Variants in FAM13A observed in about 807,000 individuals in gnomAD.
FAM13A encodes family with sequence similarity 13 member A.
In FAM13A, 76 loss-of-function variants were observed where a neutral mutation model predicts 129.6. That is an observed-to-expected ratio of 0.59 (90% CI 0.49 to 0.71). FAM13A has a LOEUF of 0.71. Ranked by LOEUF, FAM13A falls within the 30% of genes least tolerant of loss-of-function variation. The pLI, the probability that FAM13A is intolerant of heterozygous loss-of-function variation, is 0.00. For synonymous variants in FAM13A, 443 were observed against 449.9 expected (o/e 0.98, Z 0.20); for missense variants, 1,108 against 1,249.3 (o/e 0.89, Z 1.70).
intron 5 of FAM13A, among the ~76,000 whole-genome samples, chr4:88,929,367 G>A (rs969361314): frequency 6.6e-6 from 1 of 152,212 alleles, no homozygotes; most frequent in East Asian, 1.9e-4. Context: ...AATATGCCAT[G>A]GTGCAGTCTT....
intron 1 of FAM13A, among the ~76,000 whole-genome samples, chr4:89,046,540 T>C (rs755287890): frequency 9.2e-5 from 14 of 152,124 alleles, no homozygotes; most frequent in Non-Finnish European, 1.6e-4. Context: ...ATTCTACTAA[T>C]AGAAATTTTT....
chr4:89,016,428 T>G (rs1045671553), intron 3 of FAM13A, among the ~76,000 whole-genome samples: 6 of 152,030 alleles, frequency 3.9e-5, no homozygotes. Flanking sequence ...TTAAATAAAT[T>G]TAGTTTAGCT....
chr4:89,053,621 G>A (rs1771869863), intron 1 of FAM13A, among the ~76,000 whole-genome samples: 2 of 152,078 alleles, frequency 1.3e-5, no homozygotes, highest in Non-Finnish European at 2.9e-5. Context: ...AAGGCTACGA[G>A]GCCTGGGGCA....
chr4:88,908,139 C>T (rs1748461860), intron 5 of FAM13A, among the ~76,000 whole-genome samples: 1 of 152,182 alleles, frequency 6.6e-6, no homozygotes, highest in Admixed American at 6.5e-5. Flanking sequence ...TTCAGAGATC[C>T]CTAAATAAGT....
intron 6 of FAM13A, among the ~76,000 whole-genome samples, chr4:88,899,074 G>C (rs578193494): frequency 3.3e-5 from 5 of 151,288 alleles, no homozygotes; most frequent in Non-Finnish European, 5.9e-5. Flanking sequence ...GTGTGTGTCT[G>C]TGTGTATGTG....
intron 11 of FAM13A, among the ~76,000 whole-genome samples, chr4:88,779,462 A>G (rs1343080093): frequency 2.0e-5 from 3 of 152,134 alleles, no homozygotes; most frequent in Non-Finnish European, 4.4e-5. Flanking sequence ...TAGATTTTTA[A>G]ATTCATGGAA....
intron 4 of FAM13A, among the ~76,000 whole-genome samples, chr4:88,968,241 A>G (rs932017400): frequency 2.6e-5 from 4 of 152,160 alleles, no homozygotes; most frequent in Admixed American, 2.0e-4. Flanking sequence ...ACCTACTTGG[A>G]AACAAAGGTC....
intron 2 of FAM13A, among the ~76,000 whole-genome samples, chr4:89,026,530 T>A (rs1305476553): frequency 6.6e-6 from 1 of 152,214 alleles, no homozygotes; most frequent in African/African-American, 2.4e-5. Flanking sequence ...AACTCACAGT[T>A]CAGCATGGCT....
chr4:88,960,564 C>T (rs1758448855), intron 4 of FAM13A, among the ~76,000 whole-genome samples: 2 of 152,174 alleles, frequency 1.3e-5, no homozygotes, highest in Admixed American at 6.5e-5. Context: ...TCCGCCACAA[C>T]AACAAAACCT....
intron 3 of FAM13A, among the ~76,000 whole-genome samples, chr4:89,000,799 T>C (rs1267673270): frequency 6.6e-6 from 1 of 152,192 alleles, no homozygotes; most frequent in Non-Finnish European, 1.5e-5. Context: ...AGATGACAGA[T>C]CATTTCAGTT....
chr4:89,031,865 T>G (rs1579855110), intron 1 of FAM13A, among the ~76,000 whole-genome samples: 2 of 152,174 alleles, frequency 1.3e-5, no homozygotes, highest in South Asian at 4.1e-4. Context: ...CACAATTCCT[T>G]GATTTATTCC....
chr4:89,046,040 G>GA (rs1254155866), intron 1 of FAM13A, among the ~76,000 whole-genome samples: 1 of 132,318 alleles, frequency 7.6e-6, no homozygotes, highest in Non-Finnish European at 1.7e-5. Context: ...AAAAAAAAAA[G>GA]AAAAAATAAA....
In FAM13A at chr4:89,057,020, A is replaced by G. The variant is rs759318804; in HGVS notation, c.-56T>C. 120 of 1,606,654 alleles carry G rather than the reference A, an allele frequency of 7.5e-5. No homozygotes were observed. Among genetic ancestry groups the G allele is most frequent in the Non-Finnish European group, 9.7e-5 (114 of 1,177,946 alleles). ...AAGACCAGACGAAAATATTAAAACG[A>G]CAGCAAAATACTAAAATTCCATTCA... is the stretch of plus-strand genomic sequence containing the variant. On this transcript the variant is annotated 5_prime_UTR_variant, in exon 1 of 24. Transcript: ENST00000264344.
intron 7 of FAM13A, among the ~76,000 whole-genome samples, chr4:88,826,576 G>A (rs967322891): frequency 1.3e-5 from 2 of 151,918 alleles, no homozygotes; most frequent in African/African-American, 2.4e-5. Context: ...CTGCATTCCC[G>A]CTTCAAATCT....
chr4:89,039,987 A>G (rs1312671290), intron 1 of FAM13A, among the ~76,000 whole-genome samples: 3 of 152,004 alleles, frequency 2.0e-5, no homozygotes, highest in African/African-American at 7.2e-5. Flanking sequence ...AAAACAGCCA[A>G]TTGTCTCATC....
At chr4:88,843,178 C>T (rs76682591) in intron 7 of FAM13A, among the ~76,000 whole-genome samples, 2,102 of 152,176 alleles carry the variant, frequency 0.014, 51 homozygotes, top group African/African-American at 0.049. Flanking sequence ...CCTTTCAATA[C>T]GTCTTTCTTA....
intron 4 of FAM13A, among the ~76,000 whole-genome samples, chr4:88,948,043 T>G (rs902503210): frequency 9.2e-5 from 14 of 152,202 alleles, no homozygotes; most frequent in African/African-American, 3.4e-4. Flanking sequence ...CAAAAAAGAT[T>G]GAGAAACACT....
chr4:88,876,090 A>G (rs1161196657), intron 6 of FAM13A, among the ~76,000 whole-genome samples: 2 of 152,112 alleles, frequency 1.3e-5, no homozygotes, highest in Non-Finnish European at 2.9e-5. Context: ...GAACTGAACA[A>G]TGAGAACACT....
intron 14 of FAM13A, among the ~76,000 whole-genome samples, chr4:88,752,232 G>A (rs550954293): frequency 1.3e-5 from 2 of 152,148 alleles, no homozygotes; most frequent in African/African-American, 4.8e-5. Context: ...GTTTGAGAAC[G>A]ATTGATCCAA....
Sources: gnomAD v4.1 joint callset for allele counts (sites outside exome capture counted in the v4.1 genomes callset) on GRCh38, gnomAD v4.1.1 for gene constraint, MANE v1.5 for transcripts, NCBI Gene and HGNC (gene_info 2026-07-23, HGNC 2026-07-21) for gene names.